KRABD3: variants seen among roughly 807,000 people sequenced by gnomAD.
KRABD3 encodes KRAB domain-containing protein 3.
At chr7:149,725,427 C>T in the KRABD3 span, 5 of 1,612,296 alleles carry the variant, frequency 3.1e-6, no homozygotes, top group Non-Finnish European at 4.2e-6. Context: ...CCCAGAACCC[C>T]CAGCCAGGAG....
At chr7:149,716,775 G>A in the KRABD3 span, among the ~76,000 whole-genome samples, 1 of 152,216 alleles carries the variant, frequency 6.6e-6, no homozygotes, top group Non-Finnish European at 1.5e-5. Context: ...GCTCAGACCT[G>A]CAAGCGGGCA....
the KRABD3 span, chr7:149,721,914 G>C: frequency 9.8e-6 from 4 of 409,816 alleles, no homozygotes; most frequent in Admixed American, 1.5e-4. Context: ...AGCAGGGCAA[G>C]GGGAGCTCCT....
the KRABD3 span, chr7:149,730,109 C>T: frequency 6.9e-7 from 1 of 1,457,580 alleles, no homozygotes; most frequent in South Asian, 1.5e-5. Context: ...TGGCTCTCTT[C>T]AGGCTGATGA....
At chr7:149,716,072 A>G in the KRABD3 span, among the ~76,000 whole-genome samples, 22 of 152,238 alleles carry the variant, frequency 1.4e-4, no homozygotes, top group African/African-American at 5.1e-4. Context: ...TGTAAGGTGG[A>G]GAGGAGCAGG....
the KRABD3 span, among the ~76,000 whole-genome samples, chr7:149,718,163 T>C: frequency 6.6e-6 from 1 of 152,036 alleles, no homozygotes; most frequent in African/African-American, 2.4e-5. Flanking sequence ...TCCTAGCACT[T>C]TGGGAGACCA....
the KRABD3 span, chr7:149,734,204 C>G: frequency 9.7e-7 from 1 of 1,030,192 alleles, no homozygotes; most frequent in South Asian, 1.7e-5. Context: ...GGTAGAGCCC[C>G]CAGGTGCTGT....
the KRABD3 span, chr7:149,725,827 G>A: frequency 7.0e-7 from 1 of 1,429,982 alleles, no homozygotes; most frequent in Non-Finnish European, 9.3e-7. Context: ...GCACCCCATG[G>A]CCCAGGAGTC....
chr7:149,719,707 G>A, the KRABD3 span: 4 of 1,581,828 alleles, frequency 2.5e-6, no homozygotes, highest in Non-Finnish European at 2.6e-6. This position sits in a 1 kb window ranked among gnomAD's most constrained non-coding sequence, Gnocchi z 5.6. Context: ...TGTGGCAGGA[G>A]CCTGGTGGGC....
At chr7:149,734,027 C>G in the KRABD3 span, 1 of 1,607,548 alleles carries the variant, frequency 6.2e-7, no homozygotes, top group Non-Finnish European at 8.5e-7. Context: ...GCACAGGGAC[C>G]CGAGATGGGG....
At chr7:149,723,953 G>A in the KRABD3 span, 11 of 1,551,134 alleles carry the variant, frequency 7.1e-6, no homozygotes, top group East Asian at 2.3e-4. Context: ...CCCCAGGCAG[G>A]GCTGTAGGTG....
At chr7:149,715,146 C>G in the KRABD3 span, 1 of 1,229,952 alleles carries the variant, frequency 8.1e-7, no homozygotes, top group Non-Finnish European at 1.0e-6. Flanking sequence ...GGGACCCCCC[C>G]GCAACTTCGG....
At chr7:149,727,762 G>A in the KRABD3 span, among the ~76,000 whole-genome samples, 7,375 of 152,258 alleles carry the variant, frequency 0.048, 224 homozygotes, top group South Asian at 0.08. Flanking sequence ...GCCAACTCCC[G>A]GCTCCCTCTG....
the KRABD3 span, chr7:149,729,193 AG>A: frequency 6.6e-7 from 1 of 1,521,490 alleles, no homozygotes; most frequent in Non-Finnish European, 8.8e-7. Context: ...AACAGGACTG[AG>A]GGCTGAGGCC....
the KRABD3 span, chr7:149,728,690 C>T: frequency 2.1e-4 from 334 of 1,611,870 alleles, no homozygotes; most frequent in Non-Finnish European, 2.5e-4. Context: ...TAGTGGCTGC[C>T]GGGGCCCTGG....
the KRABD3 span, chr7:149,723,801 C>T: frequency 1.9e-4 from 302 of 1,613,948 alleles, 2 homozygotes; most frequent in South Asian, 2.2e-3. Flanking sequence ...AGGAGCTCCC[C>T]GAGGCCCAGG....
chr7:149,731,539 C>G, the KRABD3 span: 1 of 768,692 alleles, frequency 1.3e-6, no homozygotes, highest in Non-Finnish European at 2.1e-6. Flanking sequence ...CCCTCATGGG[C>G]CAAGTTTCCG....
the KRABD3 span, chr7:149,721,687 G>A: frequency 2.2e-6 from 2 of 890,128 alleles, no homozygotes; most frequent in Non-Finnish European, 3.6e-6. Context: ...ACGCCAGGGA[G>A]CAGGACAACA....
chr7:149,719,471 T>C, the KRABD3 span: 1 of 1,476,884 alleles, frequency 6.8e-7, no homozygotes, highest in Non-Finnish European at 9.0e-7. This position sits in a 1 kb window ranked among gnomAD's most constrained non-coding sequence, Gnocchi z 5.6. Context: ...CTAGGTGGGG[T>C]TACCAAGTGC....
At chr7:149,725,957 G>A in the KRABD3 span, 2 of 1,603,862 alleles carry the variant, frequency 1.2e-6, no homozygotes, top group South Asian at 1.1e-5. Flanking sequence ...GCAGGCCCCT[G>A]GCCCCCCGAG....
Sources: allele counts gnomAD v4.1 joint callset (sites outside exome capture counted in the v4.1 genomes callset), GRCh38; gene constraint gnomAD v4.1.1; non-coding constraint Gnocchi (gnomAD v3.1); transcripts MANE v1.5; gene names NCBI Gene and HGNC (gene_info 2026-07-23, HGNC 2026-07-21).